The following TSPAN1 variants were observed in gnomAD, a reference collection of about 807,000 sequenced individuals.
TSPAN1 encodes tetraspanin-1.
A neutral mutation model predicts 26.9 loss-of-function variants in TSPAN1; 23 were observed. The observed-to-expected ratio is 0.85, with a 90% confidence interval of 0.62 to 1.21. The LOEUF is 1.21. Ranked by LOEUF, TSPAN1 falls within the 50% of genes most tolerant of loss-of-function variation. The pLI is 0.00. For missense variants in TSPAN1, 283 were observed against 298.4 expected (o/e 0.95, Z 0.38); for synonymous variants, 115 against 114.8 (o/e 1.00, Z -0.01).
At chr1:46,181,603 A>G (rs1231680441) in intron 3 of TSPAN1, among the ~76,000 whole-genome samples, 2 of 152,238 alleles carry the variant, frequency 1.3e-5, no homozygotes, top group African/African-American at 4.8e-5. Flanking sequence ...ACCTCTCATC[A>G]GAGCAACAGT....
chr1:46,176,845 A>C (rs1246046917), intron 1 of TSPAN1, among the ~76,000 whole-genome samples: 1 of 152,232 alleles, frequency 6.6e-6, no homozygotes, highest in Non-Finnish European at 1.5e-5. Flanking sequence ...CTTTACAAGG[A>C]TATGCCATCA....
chr1:46,194,055 T>G, the TSPAN1 span: 8 of 1,547,658 alleles, frequency 5.2e-6, no homozygotes, highest in Non-Finnish European at 4.4e-6. Context: ...GGATCTTCCC[T>G]GTTCTGGGCT....
At chr1:46,186,823 C>T (rs1283357406), downstream of TSPAN1, among the ~76,000 whole-genome samples, 4 of 151,934 alleles carry the variant, frequency 2.6e-5, no homozygotes, top group Non-Finnish European at 4.4e-5. Context: ...CCACCTCGCC[C>T]GGGTAATTTT....
At chr1:46,178,950 T>C (rs1238245149) in intron 1 of TSPAN1, among the ~76,000 whole-genome samples, 1 of 152,216 alleles carries the variant, frequency 6.6e-6, no homozygotes, top group African/African-American at 2.4e-5. Context: ...GTATTATTAG[T>C]GTAGTCTGTA....
the TSPAN1 span, chr1:46,193,517 T>C: frequency 6.2e-7 from 1 of 1,613,960 alleles, no homozygotes; most frequent in Admixed American, 1.7e-5. Flanking sequence ...CAATCACTGC[T>C]GCTCCATGTT....
At chr1:46,178,424 C>G (rs1657236671) in intron 1 of TSPAN1, among the ~76,000 whole-genome samples, 1 of 150,616 alleles carries the variant, frequency 6.6e-6, no homozygotes, top group African/African-American at 2.4e-5. Flanking sequence ...CCCCCTTACT[C>G]TGCTCCTCAA....
chr1:46,185,496 T>C lies in TSPAN1; in HGVS notation c.689T>C (p.Met230Thr). The C allele has an allele frequency of 6.2e-7, 1 of 1,614,248 alleles. No individual in the cohort carries two copies. Among genetic ancestry groups the C allele is most frequent in the Non-Finnish European group, 8.5e-7 (1 of 1,180,034 alleles). Residue 230 changes from methionine to threonine, a missense_variant, in exon 9 of 9, where the codon ATG (methionine) becomes ACG (threonine). Met to Thr is a moderately conservative substitution (Grantham distance 81, BLOSUM62 -1). Transcript: ENST00000372003. ...AGIGGLELAA[M>T]IVSMYLYCNL... ...TTCCTCCCTCTCCAGCTGGCTGCCA[T>C]GATTGTGTCCATGTATCTGTACTGC...
chr1:46,189,107 G>C, downstream of TSPAN1: 1 of 1,496,806 alleles, frequency 6.7e-7, no homozygotes, highest in Non-Finnish European at 8.9e-7. Context: ...ACGGGGTGTT[G>C]GAGCAGGGGA....
downstream of TSPAN1, chr1:46,188,544 C>A: frequency 8.5e-7 from 1 of 1,172,714 alleles, no homozygotes; most frequent in East Asian, 2.6e-5. Context: ...TCAGGCATCC[C>A]CTGGTGGCCA....
At chr1:46,176,330 C>T in intron 1 of TSPAN1, 1 of 1,535,768 alleles carries the variant, frequency 6.5e-7, no homozygotes, top group Non-Finnish European at 8.7e-7. Context: ...GCAGTTCGAC[C>T]TCGGAGACCC....
downstream of TSPAN1, chr1:46,190,567 C>T (rs759275828): frequency 1.9e-6 from 3 of 1,547,966 alleles, no homozygotes; most frequent in East Asian, 4.5e-5. Flanking sequence ...CCCTCAGGTC[C>T]CATGGGTAGC....
At position 46,184,603 on chromosome 1, in the gene TSPAN1, A is replaced by C. The variant is rs1375753529; in HGVS notation, c.274A>C (p.Ile92Leu). The C allele has an allele frequency of 8.7e-6, 14 of 1,613,904 alleles. No individual in the cohort carries two copies. Among genetic ancestry groups the C allele is most frequent in the South Asian group, 1.1e-5 (1 of 91,086 alleles). ...SKCALVTFFF[I>L]LLLIFIAEVA... ...CCTGTTCCCCACTCAGTTCTTCTTC[A>C]TCCTCCTCCTCATCTTCATTGCTGA... Residue 92 changes from isoleucine to leucine, a missense_variant, in exon 5 of 9, where the codon ATC becomes CTC. Physicochemically the swap from Ile to Leu is conservative, Grantham distance 5. Coordinates refer to ENST00000372003, the MANE Select transcript of TSPAN1 (RefSeq NM_005727.4).
chr1:46,191,189 G>C, the TSPAN1 span: 9 of 311,144 alleles, frequency 2.9e-5, no homozygotes, highest in African/African-American at 1.7e-4. Flanking sequence ...AGAGTGACCT[G>C]AGGGAAGCGC....
chr1:46,182,372 A>G (rs1326698377), intron 3 of TSPAN1, among the ~76,000 whole-genome samples: 1 of 134,092 alleles, frequency 7.5e-6, no homozygotes, highest in Non-Finnish European at 1.6e-5. Context: ...GAAAACAAGG[A>G]GAGTAGTACA....
chr1:46,194,714 T>C, the TSPAN1 span: 1 of 1,614,106 alleles, frequency 6.2e-7, no homozygotes, highest in Admixed American at 1.7e-5. Context: ...CTTTTTCCCA[T>C]CTCCCTGCCT....
the TSPAN1 span, chr1:46,191,808 G>T: frequency 1.9e-5 from 7 of 371,512 alleles, 1 homozygote; most frequent in South Asian, 1.5e-4. Flanking sequence ...CTAATTTTTT[G>T]TATTTTTAGT....
chr1:46,175,337 T>C lies in TSPAN1; in HGVS notation c.-214T>C. 2.8e-6 allele frequency: 1 copy of C among 360,290 alleles called. No homozygotes were observed. Among genetic ancestry groups the C allele is most frequent in the Non-Finnish European group, 4.9e-6 (1 of 202,358 alleles). The allele number at this position is 360,290 out of a possible 1,614,324, so 22.3% of individuals were successfully genotyped here. A position where few individuals can be genotyped will look rare whatever the true frequency, so the allele number is the denominator to read the frequency against. On this transcript the variant is annotated 5_prime_UTR_variant, in exon 1 of 9. An upstream start codon of the reference 5' UTR is lost. Transcript: ENST00000372003. ...AAGAGCTGAGACCAAAGATGGTCTA[T>C]GTTGCTGACCTTGTCCTGTCCTCCT...
rs1657387713 is a variant in TSPAN1, at chr1:46,184,636, G to A, written c.307G>A (p.Ala103Thr). ...LLLIFIAEVA[A>T]AVVALVYTTM... ...CCTCATCTTCATTGCTGAGGTTGCA[G>A]CTGCTGTGGTCGCCTTGGTGTACAC... Residue 103 changes from alanine to threonine, a missense_variant, in exon 5 of 9, where the codon GCT becomes ACT. Physicochemically the swap from Ala to Thr is moderately conservative, Grantham distance 58. Transcript: ENST00000372003. 6.2e-7 allele frequency: 1 copy of A among 1,614,242 alleles called. No homozygotes were observed. The highest frequency in any genetic ancestry group is 2.2e-5 in the East Asian group (1 of 44,884).
the TSPAN1 span, chr1:46,194,437 G>A: frequency 3.7e-6 from 6 of 1,614,122 alleles, no homozygotes; most frequent in Non-Finnish European, 5.1e-6. Context: ...GAGGCATGGG[G>A]CCAGCAAGGT....
Sources: allele counts gnomAD v4.1 joint callset (sites outside exome capture counted in the v4.1 genomes callset), GRCh38; gene constraint gnomAD v4.1.1; transcripts MANE v1.5; gene names NCBI Gene and HGNC (gene_info 2026-07-23, HGNC 2026-07-21).